TMEM168: variants seen among roughly 807,000 people sequenced by gnomAD.
TMEM168 encodes transmembrane protein 168.
Under a neutral mutation model 53.2 loss-of-function variants are expected in TMEM168, and 40 were observed. The observed-to-expected ratio is 0.75, with a 90% CI of 0.58 to 0.98. The LOEUF (loss-of-function observed/expected upper bound fraction) is 0.98. Among genes scored for constraint, TMEM168 ranks in the 50% least tolerant of loss-of-function variants. TMEM168 has a pLI of 0.00. For synonymous variants in TMEM168, 282 were observed against 293.0 expected (o/e 0.96, Z 0.38); for missense variants, 771 against 828.8 (o/e 0.93, Z 0.86).
At chr7:112,775,549 C>T (rs1304638535) in intron 2 of TMEM168, among the ~76,000 whole-genome samples, 1 of 150,114 alleles carries the variant, frequency 6.7e-6, no homozygotes, top group Non-Finnish European at 1.5e-5. Flanking sequence ...TGGCAAAACA[C>T]GGCACATCAT....
chr7:112,785,248 A>C (rs888508525), intron 1 of TMEM168, among the ~76,000 whole-genome samples: 1 of 152,208 alleles, frequency 6.6e-6, no homozygotes, highest in Non-Finnish European at 1.5e-5. Context: ...CTGGTTTTTC[A>C]ACAACAAGGA....
At chr7:112,789,929 A>C (rs1266569422) in intron 1 of TMEM168, among the ~76,000 whole-genome samples, 1 of 152,230 alleles carries the variant, frequency 6.6e-6, no homozygotes, top group African/African-American at 2.4e-5. Flanking sequence ...TCTGCCTCGG[A>C]GAACGCGACC....
rs202110230 is a variant in TMEM168, at chr7:112,767,642, G to A, written c.1649C>T (p.Thr550Ile). ...LIIVLDSENS[T>I]PWVKEVRKIN... ...TTTCCTCACTTCTTTCACCCAAGGG[G>A]TTGAATTTTCGCTGTCTAATACGAT... Residue 550 changes from threonine to isoleucine, a missense_variant, in exon 5 of 5, where the codon ACC becomes ATC. Transcript: ENST00000312814. 1.6e-4 allele frequency: 257 copies of A among 1,614,026 alleles called. No individual in the cohort carries two copies. The highest frequency in any genetic ancestry group is 2.0e-4 in the Non-Finnish European group (236 of 1,180,002).
chr7:112,774,093 T>C (rs1387411099), intron 3 of TMEM168, among the ~76,000 whole-genome samples: 1 of 152,182 alleles, frequency 6.6e-6, no homozygotes, highest in African/African-American at 2.4e-5. Flanking sequence ...GAAAAAACTT[T>C]ACTTCCACTC....
intron 1 of TMEM168, among the ~76,000 whole-genome samples, chr7:112,788,959 C>T (rs2116322158): frequency 6.6e-6 from 1 of 152,220 alleles, no homozygotes; most frequent in East Asian, 1.9e-4. Flanking sequence ...CAATGGCGTC[C>T]CATCACCCTT....
At chr7:112,769,713 T>C (rs940199799) in intron 4 of TMEM168, among the ~76,000 whole-genome samples, 3 of 152,296 alleles carry the variant, frequency 2.0e-5, no homozygotes, top group South Asian at 4.1e-4. Flanking sequence ...TTTTAAGTAA[T>C]TGAGACTGCT....
At chr7:112,779,852 G>A (rs1023588769) in intron 2 of TMEM168, among the ~76,000 whole-genome samples, 4 of 152,144 alleles carry the variant, frequency 2.6e-5, no homozygotes, top group Non-Finnish European at 4.4e-5. Flanking sequence ...TATACGGCTT[G>A]TTTGTTTAGA....
chr7:112,772,217 A>C (rs1792947304), intron 4 of TMEM168, among the ~76,000 whole-genome samples: 1 of 152,204 alleles, frequency 6.6e-6, no homozygotes, highest in African/African-American at 2.4e-5. Context: ...CCTTAGAATA[A>C]AACTCAATGG....
Position 112,763,358 on chromosome 7 carries a change from G to A in TMEM168, c.*3839C>T, listed in dbSNP as rs1792702351. 6.6e-6 allele frequency: 1 copy of A among 151,906 alleles called. No individual in the cohort carries two copies. Among genetic ancestry groups the A allele is most frequent in the South Asian group, 2.1e-4 (1 of 4,814 alleles). 9.4% of individuals were successfully genotyped at this position (151,906 alleles called of 1,614,324 possible). A position where few individuals can be genotyped will look rare whatever the true frequency, so the allele number is the denominator to read the frequency against. On this transcript the variant is annotated 3_prime_UTR_variant, in exon 5 of 5. Transcript: ENST00000312814. ...AGAAAATGTAGTAATTTACAATCAA[G>A]TTATTCCAATTTCTCCTTAGGATTC...
chr7:112,789,207 A>C (rs1319010592), intron 1 of TMEM168, among the ~76,000 whole-genome samples: 1 of 152,016 alleles, frequency 6.6e-6, no homozygotes, highest in African/African-American at 2.4e-5. Context: ...GTCTCAGATA[A>C]ATCATTTTCT....
At chr7:112,773,394 T>C (rs1357259456) in intron 3 of TMEM168, among the ~76,000 whole-genome samples, 2 of 152,092 alleles carry the variant, frequency 1.3e-5, no homozygotes, top group Non-Finnish European at 2.9e-5. Context: ...GATTACACTG[T>C]TTCAAGAACA....
intron 1 of TMEM168, among the ~76,000 whole-genome samples, chr7:112,787,411 G>A (rs926306627): frequency 2.0e-5 from 3 of 152,000 alleles, no homozygotes; most frequent in African/African-American, 4.8e-5. Context: ...ACGGAGTCTC[G>A]CTCTGTTGTC....
rs1357713215 is a variant in TMEM168 at position 112,772,773 on chromosome 7, G to A, written c.1546+8C>T. On this transcript the variant is annotated splice_region_variant and intron_variant, in intron 4 of 4. Transcript: ENST00000312814. ...TTACAATAGTGAAACTGCCAAAGGTGAGTTTACCTGCTAGAGCCCACTCTC... is the reference window on the plus strand; with the variant it reads ...TTACAATAGTGAAACTGCCAAAGGTAAGTTTACCTGCTAGAGCCCACTCTC... 6.2e-6 allele frequency: 10 copies of A among 1,607,712 alleles called. No homozygotes were observed. Among genetic ancestry groups the A allele is most frequent in the Middle Eastern group, 1.7e-4 (1 of 6,054 alleles).
intron 2 of TMEM168, among the ~76,000 whole-genome samples, chr7:112,777,902 G>C (rs924700739): frequency 5.6e-4 from 32 of 57,204 alleles, no homozygotes; most frequent in African/African-American, 4.7e-3. Flanking sequence ...GTGTGTGTGT[G>C]TGTGTGTGTG....
In TMEM168 at chr7:112,766,137, T is replaced by A. The variant is rs1792771853; in HGVS notation, c.*1060A>T. ...TTTAATCAGACAAAACACTAAGTTT[T>A]AAAAATTACAACCACAATATTATGC... On this transcript the variant is annotated 3_prime_UTR_variant, in exon 5 of 5. Transcript: ENST00000312814. 1 of 152,646 alleles carries A rather than the reference T, an allele frequency of 6.6e-6. No individual in the cohort carries two copies. Among genetic ancestry groups the A allele is most frequent in the Non-Finnish European group, 1.5e-5 (1 of 68,030 alleles). 9.5% of individuals were successfully genotyped at this position (152,646 alleles called of 1,614,324 possible). A position where few individuals can be genotyped will look rare whatever the true frequency, so the allele number is the denominator to read the frequency against.
chr7:112,788,773 G>A (rs1793460001), intron 1 of TMEM168, among the ~76,000 whole-genome samples: 1 of 152,052 alleles, frequency 6.6e-6, no homozygotes, highest in Non-Finnish European at 1.5e-5. Flanking sequence ...TCCTCACCAA[G>A]TCCTGTCTAC....
chr7:112,784,493 A>G lies in TMEM168; in HGVS notation c.333T>C (p.Asn111=), dbSNP rs1793324190. 1.9e-6 allele frequency: 3 copies of G among 1,614,048 alleles called. No individual in the cohort carries two copies. In the African/African-American group the frequency reaches 4.0e-5, roughly 22 times the overall value. The change falls in exon 2 of 5, where the codon AAT becomes AAC. Residue 111 remains asparagine, a synonymous_variant. Coordinates refer to ENST00000312814, the MANE Select transcript of TMEM168 (RefSeq NM_022484.6). ...FLLGLLCFLD[N]SSFKNDVKEE... is the part of the protein sequence containing the mutation. ...CTTTTACATCATTTTTAAAGGATGA[A>G]TTATCAAGAAAACATAGGAGGCCAA... is the stretch of plus-strand genomic sequence containing the variant.
intron 2 of TMEM168, among the ~76,000 whole-genome samples, chr7:112,783,270 G>A (rs1793278160): frequency 6.6e-6 from 1 of 152,192 alleles, no homozygotes; most frequent in African/African-American, 2.4e-5. Context: ...GTTACAGTGA[G>A]GAGTCCAGGG....
intron 2 of TMEM168, among the ~76,000 whole-genome samples, chr7:112,780,965 A>AC (rs1562867392): frequency 6.8e-6 from 1 of 147,918 alleles, no homozygotes; most frequent in Non-Finnish European, 1.5e-5. Flanking sequence ...AAAAAAAAAA[A>AC]CGGGGGCACA....
Sources: allele counts gnomAD v4.1 joint callset (sites outside exome capture counted in the v4.1 genomes callset), GRCh38; gene constraint gnomAD v4.1.1; transcripts MANE v1.5; gene names NCBI Gene and HGNC (gene_info 2026-07-23, HGNC 2026-07-21).